Variants in CYB5R3 observed in about 807,000 individuals in gnomAD.
CYB5R3 encodes NADH-cytochrome b5 reductase 3.
CYB5R3 carries 28 observed loss-of-function variants against 36.5 expected under a neutral mutation model. The observed-to-expected ratio is 0.77, with a 90% CI of 0.57 to 1.05. CYB5R3 has a LOEUF of 1.05. Among genes scored for constraint, CYB5R3 ranks in the 50% least tolerant of loss-of-function variants. The probability of loss-of-function intolerance (pLI) is 0.00; values close to 1 mark genes in which losing one functional copy is unlikely to be tolerated. For synonymous variants in CYB5R3, 181 were observed against 159.8 expected (o/e 1.13, Z -1.00); for missense variants, 474 against 408.9 (o/e 1.16, Z -1.37).
intron 1 of CYB5R3, among the ~76,000 whole-genome samples, chr22:42,640,984 G>A (rs1210917661): frequency 6.6e-6 from 1 of 151,954 alleles, no homozygotes; most frequent in Non-Finnish European, 1.5e-5. Flanking sequence ...AGCCTCCCGA[G>A]TAGCTGGGAT....
In CYB5R3 at chr22:42,627,201, A is replaced by T. The variant is rs182863038; in HGVS notation, c.633+103T>A. The T allele has an allele frequency of 9.0e-5, 89 of 987,810 alleles. No individual in the cohort carries two copies. In the African/African-American group the frequency reaches 1.2e-3, roughly 13 times the overall value. 61.2% of individuals were successfully genotyped at this position (987,810 alleles called of 1,614,324 possible). On this transcript the variant is annotated intron_variant, in intron 7 of 8. Transcript: ENST00000352397. ...GGCCCCCCATCCCGGTCATCCCCAG[A>T]ATCTCAGCAGAGCTGTGCAGACCCC...
Position 42,619,747 on chromosome 22 carries a change from G to T in CYB5R3, c.*26C>A, listed in dbSNP as rs563620991. 1.9e-6 allele frequency: 3 copies of T among 1,549,284 alleles called. No homozygotes were observed. The highest frequency in any genetic ancestry group is 2.7e-5 in the African/African-American group (2 of 73,996). ...AACAGGGCGTGGGGTGCGCGGGGCG[G>T]GTGGCCGTGTGACCGTGCCCGGCCC... On this transcript the variant is annotated 3_prime_UTR_variant, in exon 9 of 9. Coordinates refer to ENST00000352397, the MANE Select transcript of CYB5R3 (RefSeq NM_000398.7).
At chr22:42,625,848 C>G (rs8190455) in intron 7 of CYB5R3, among the ~76,000 whole-genome samples, 2 of 152,140 alleles carry the variant, frequency 1.3e-5, no homozygotes, top group Non-Finnish European at 2.9e-5. Context: ...ATTTTTCACT[C>G]TTCCTCTCTC....
intron 8 of CYB5R3, among the ~76,000 whole-genome samples, chr22:42,620,530 C>T (rs1333184601): frequency 1.3e-5 from 2 of 152,120 alleles, no homozygotes; most frequent in South Asian, 2.1e-4. Context: ...TGAGCGCCCA[C>T]GATGATATGG....
intron 7 of CYB5R3, among the ~76,000 whole-genome samples, chr22:42,625,723 C>A (rs377730013): frequency 6.6e-6 from 1 of 151,866 alleles, no homozygotes; most frequent in African/African-American, 2.4e-5. Context: ...AGGAAACGAG[C>A]AGCAATGACC....
intron 7 of CYB5R3, among the ~76,000 whole-genome samples, chr22:42,626,491 ACAGACTCTGAACCAGCAC>A (rs2146873766): frequency 6.6e-6 from 1 of 152,222 alleles, no homozygotes; most frequent in Non-Finnish European, 1.5e-5. Context: ...GACGGCCTCC[ACAGACTCTGAACCAGCAC>A]CACCAAGTCT....
At chr22:42,633,911 G>A (rs1359528453) in intron 2 of CYB5R3, among the ~76,000 whole-genome samples, 1 of 152,110 alleles carries the variant, frequency 6.6e-6, no homozygotes, top group African/African-American at 2.4e-5. Flanking sequence ...GACAGAGCGA[G>A]ACCTTGTTCT....
At chr22:42,635,210 C>T (rs1282068945) in intron 2 of CYB5R3, among the ~76,000 whole-genome samples, 4 of 151,834 alleles carry the variant, frequency 2.6e-5, no homozygotes, top group African/African-American at 7.3e-5. Context: ...CCTTGTGATC[C>T]GCCTGTCTCA....
At chr22:42,630,795 A>C (rs1928568810) in intron 4 of CYB5R3, 87 bp downstream of exon 4, 1 of 1,178,580 alleles carries the variant, frequency 8.5e-7, no homozygotes, top group African/African-American at 1.5e-5. Context: ...CAGGAGCGGG[A>C]GACTTCCCTG....
chr22:42,631,381 C>T lies in CYB5R3; in HGVS notation c.223G>A (p.Val75Ile), dbSNP rs1275680002. ...PSPQHILGLP[V>I]GQHIYLSARI... ...GCCCAGCAGGGGCGTGACTCACCGA[C>T]AGGGAGGCCCAGGATGTGCTGGGGT... The change falls in exon 3 of 9, where the codon GTC (valine) becomes ATC (isoleucine). Residue 75 changes from valine (V) to isoleucine (I), a missense_variant. Transcript: ENST00000352397. 6.4e-7 allele frequency: 1 copy of T among 1,551,526 alleles called. No homozygotes were observed. Among genetic ancestry groups the T allele is most frequent in the Non-Finnish European group, 8.7e-7 (1 of 1,146,946 alleles).
chr22:42,625,282 G>A (rs897724022), intron 7 of CYB5R3, among the ~76,000 whole-genome samples: 3 of 152,094 alleles, frequency 2.0e-5, no homozygotes, highest in Non-Finnish European at 2.9e-5. Flanking sequence ...TGAGGTGGGT[G>A]GATCACTTGA....
In CYB5R3 at chr22:42,627,671, G is replaced by T; in HGVS notation, c.481C>A (p.Pro161Thr). ...ATGATAGGGTTGGACTTTTTGTCAGGTCGGATGGCGAACTTCCCTGGGGAG... is the reference window on the plus strand; with the variant it reads ...ATGATAGGGTTGGACTTTTTGTCAGTTCGGATGGCGAACTTCCCTGGGGAG... ...YQGKGKFAIR[P>T]DKKSNPIIRT... Residue 161 changes from proline (P) to threonine (T), a missense_variant, in exon 6 of 9, where the codon CCT becomes ACT. Physicochemically the swap from Pro to Thr is conservative, Grantham distance 38 (BLOSUM62 -1). Transcript: ENST00000352397. The T allele has an allele frequency of 6.2e-7, 1 of 1,613,950 alleles. No homozygotes were observed. Among genetic ancestry groups the T allele is most frequent in the Non-Finnish European group, 8.5e-7 (1 of 1,179,832 alleles).
At chr22:42,645,016 T>C (rs1929473544) in intron 1 of CYB5R3, among the ~76,000 whole-genome samples, 1 of 152,186 alleles carries the variant, frequency 6.6e-6, no homozygotes, top group Non-Finnish European at 1.5e-5. Flanking sequence ...GCCTGGTTTC[T>C]GATTTTCTGT....
rs1311947973 is a variant in CYB5R3, at chr22:42,619,015, C to T, written c.*758G>A. 1 of 152,596 alleles carries T rather than the reference C, an allele frequency of 6.6e-6. No homozygotes were observed. Among genetic ancestry groups the T allele is most frequent in the Admixed American group, 6.5e-5 (1 of 15,302 alleles). The allele number at this position is 152,596 out of a possible 1,614,324, so 9.5% of individuals were successfully genotyped here. On this transcript the variant is annotated 3_prime_UTR_variant, in exon 9 of 9. Transcript: ENST00000352397. Reference sequence around the variant, plus strand: ...ACGGTTTAGGACAGAGGAATAAATACATGTGGTTGTGGGAGTTCTGCCATC... The same window carrying T: ...ACGGTTTAGGACAGAGGAATAAATATATGTGGTTGTGGGAGTTCTGCCATC...
At chr22:42,628,084 C>T (rs1928389056) in intron 5 of CYB5R3, 68 bp downstream of exon 5, 1 of 1,605,490 alleles carries the variant, frequency 6.2e-7, no homozygotes, top group African/African-American at 1.3e-5. Context: ...GCACCCTGCA[C>T]CCAGCACGCC....
intron 5 of CYB5R3, among the ~76,000 whole-genome samples, 188 bp downstream of exon 5, chr22:42,627,964 T>C (rs2146877160): frequency 6.6e-6 from 1 of 152,196 alleles, no homozygotes; most frequent in African/African-American, 2.4e-5. Context: ...GTGGCCTGTC[T>C]GCAACCCCTG....
At chr22:42,631,028 C>G (rs762992490) in intron 3 of CYB5R3, 40 bp from the exon 4 acceptor site, 2 of 1,565,188 alleles carry the variant, frequency 1.3e-6, no homozygotes, top group African/African-American at 2.7e-5. Context: ...CAGAGATCAT[C>G]CTGCGGGTGA....
intron 4 of CYB5R3, among the ~76,000 whole-genome samples, chr22:42,629,073 G>A (rs1189257309): frequency 6.6e-6 from 1 of 152,176 alleles, no homozygotes; most frequent in African/African-American, 2.4e-5. Flanking sequence ...CAAGCCAGGA[G>A]AGGCCTGGTC....
chr22:42,630,775 C>T, intron 4 of CYB5R3, 107 bp downstream of exon 4: 3 of 967,212 alleles, frequency 3.1e-6, no homozygotes, highest in South Asian at 1.4e-5. Flanking sequence ...CGAGGCTGGG[C>T]TGCACAGGGC....
Sources: gnomAD v4.1 joint callset for allele counts (sites outside exome capture counted in the v4.1 genomes callset) on GRCh38, gnomAD v4.1.1 for gene constraint, MANE v1.5 for transcripts, NCBI Gene and HGNC (gene_info 2026-07-23, HGNC 2026-07-21) for gene names.